The following RCAN2 variants were observed in gnomAD, a reference collection of about 807,000 sequenced individuals.
RCAN2 encodes the protein calcipressin-2.
A neutral mutation model predicts 23.6 loss-of-function variants in RCAN2; 9 were observed. That is an observed-to-expected ratio of 0.38 (90% CI 0.23 to 0.67). The LOEUF (loss-of-function observed/expected upper bound fraction) is 0.67, where lower values mean the gene tolerates loss of function less well. Ranked by LOEUF, RCAN2 falls within the 30% of genes least tolerant of loss-of-function variation. The pLI is 0.51. For missense variants in RCAN2, 273 were observed against 302.3 expected, an observed-to-expected ratio of 0.90 and a Z score of 0.72; for synonymous variants, 109 against 115.7, an observed-to-expected ratio of 0.94 and a Z score of 0.37.
intron 2 of RCAN2, among the ~76,000 whole-genome samples, chr6:46,411,595 A>C (rs954793430): frequency 6.6e-6 from 1 of 152,166 alleles, no homozygotes. Context: ...GTTTTGGGAG[A>C]CAGAAAAATG....
intron 2 of RCAN2, among the ~76,000 whole-genome samples, chr6:46,354,635 A>C (rs1764766805): frequency 6.6e-6 from 1 of 152,246 alleles, no homozygotes; most frequent in South Asian, 2.1e-4. Context: ...GGATGCCAGA[A>C]TCAGTCTCTT....
chr6:46,403,630 G>A (rs958470389), intron 2 of RCAN2, among the ~76,000 whole-genome samples: 3 of 151,588 alleles, frequency 2.0e-5, no homozygotes, highest in Admixed American at 1.3e-4. Context: ...TCTTGATCCT[G>A]GATCTTCAGG....
intron 4 of RCAN2, among the ~76,000 whole-genome samples, chr6:46,226,671 T>A (rs1765675768): frequency 6.6e-6 from 1 of 152,238 alleles, no homozygotes; most frequent in African/African-American, 2.4e-5. Flanking sequence ...CTTATCAGCT[T>A]AAGGGGATTT....
chr6:46,277,725 G>A (rs1480944505), intron 2 of RCAN2, among the ~76,000 whole-genome samples: 1 of 151,968 alleles, frequency 6.6e-6, no homozygotes, highest in Non-Finnish European at 1.5e-5. Flanking sequence ...ATGGGGCAGG[G>A]TGTGGGTGGT....
intron 2 of RCAN2, among the ~76,000 whole-genome samples, chr6:46,253,011 T>G (rs1442782737): frequency 6.6e-6 from 1 of 152,250 alleles, no homozygotes; most frequent in African/African-American, 2.4e-5. Flanking sequence ...TTTTTCACTT[T>G]GAATAAATTT....
chr6:46,451,333 G>A (rs1432083005), intron 2 of RCAN2, among the ~76,000 whole-genome samples: 5 of 152,122 alleles, frequency 3.3e-5, no homozygotes, highest in African/African-American at 9.7e-5. Context: ...CAACATCGGG[G>A]GCAGCCCCTA....
At chr6:46,393,288 G>A (rs1441710875) in intron 2 of RCAN2, among the ~76,000 whole-genome samples, 1 of 152,186 alleles carries the variant, frequency 6.6e-6, no homozygotes, top group East Asian at 1.9e-4. Context: ...ACTAACTATG[G>A]GCAAATTATG....
intron 2 of RCAN2, among the ~76,000 whole-genome samples, chr6:46,428,651 C>T (rs1416811064): frequency 6.6e-6 from 1 of 152,204 alleles, no homozygotes; most frequent in Non-Finnish European, 1.5e-5. Flanking sequence ...TAAATTTTCA[C>T]TATATCTCTG....
intron 2 of RCAN2, among the ~76,000 whole-genome samples, chr6:46,265,214 A>G (rs1767280808): frequency 6.6e-6 from 1 of 152,228 alleles, no homozygotes; most frequent in African/African-American, 2.4e-5. Flanking sequence ...TCACATAAGC[A>G]GCTCAGATTA....
At position 46,228,859 on chromosome 6, in the gene RCAN2, T is replaced by C. The variant is rs150503921; in HGVS notation, c.572-5558A>G. Among the ~76,000 whole-genome samples, 288 of 152,358 alleles carry C rather than the reference T, an allele frequency of 1.9e-3. 1 individual carries two copies. Among genetic ancestry groups the C allele is most frequent in the African/African-American group, 6.8e-3 (281 of 41,586 alleles). On this transcript the variant is annotated intron_variant, in intron 4 of 4. Coordinates refer to ENST00000371374, the MANE Select transcript of RCAN2 (RefSeq NM_001251974.2). ...TTCATTAGTTGATGCAGTTTCTTCCTAGCATCGATGGTCTTTACAGTTTGG... is the reference window on the plus strand; with the variant it reads ...TTCATTAGTTGATGCAGTTTCTTCCCAGCATCGATGGTCTTTACAGTTTGG...
chr6:46,284,585 A>C (rs1407887557), intron 2 of RCAN2, among the ~76,000 whole-genome samples: 1 of 152,208 alleles, frequency 6.6e-6, no homozygotes, highest in African/African-American at 2.4e-5. Flanking sequence ...CAAAGGAGAA[A>C]CTGACATTTG....
chr6:46,490,456 T>G (rs905549486), intron 1 of RCAN2, among the ~76,000 whole-genome samples: 50 of 152,174 alleles, frequency 3.3e-4, no homozygotes, highest in African/African-American at 1.1e-3. Flanking sequence ...AATCATTAAC[T>G]AAAAGGCAAA....
chr6:46,447,470 T>C (rs991259944), intron 2 of RCAN2, among the ~76,000 whole-genome samples: 1 of 151,834 alleles, frequency 6.6e-6, no homozygotes, highest in African/African-American at 2.4e-5. Context: ...AACATCAGAC[T>C]TAAACTGCAC....
chr6:46,480,219 G>C (rs1768818730), intron 1 of RCAN2, among the ~76,000 whole-genome samples: 1 of 152,138 alleles, frequency 6.6e-6, no homozygotes, highest in Admixed American at 6.6e-5. Flanking sequence ...CAACCTTCCT[G>C]ATCCTCAGTT....
At chr6:46,323,691 A>T (rs1004082698) in intron 2 of RCAN2, among the ~76,000 whole-genome samples, 1 of 151,972 alleles carries the variant, frequency 6.6e-6, no homozygotes. Flanking sequence ...CACCCCAACC[A>T]CTCACATACA....
At chr6:46,354,072 G>A (rs1283248989) in intron 2 of RCAN2, among the ~76,000 whole-genome samples, 2 of 152,094 alleles carry the variant, frequency 1.3e-5, no homozygotes, top group Admixed American at 1.3e-4. Flanking sequence ...CAGTTTTCCA[G>A]GAGTTAAGTT....
chr6:46,274,150 C>T (rs1366213205), intron 2 of RCAN2, among the ~76,000 whole-genome samples: 1 of 152,178 alleles, frequency 6.6e-6, no homozygotes, highest in African/African-American at 2.4e-5. Context: ...TTACTTAAGA[C>T]AAGAAGGTAT....
In RCAN2 at chr6:46,229,146, G is replaced by C. The variant is rs1765784711; in HGVS notation, c.572-5845C>G. Among the ~76,000 whole-genome samples the C allele has an allele frequency of 2.0e-5, 3 of 152,202 alleles. No individual in the cohort carries two copies. In the South Asian group the frequency reaches 6.2e-4, roughly 32 times the overall value. On this transcript the variant is annotated intron_variant, in intron 4 of 4. Coordinates refer to ENST00000371374, the MANE Select transcript of RCAN2 (RefSeq NM_001251974.2). ...GTTTCTGCTGAGAGATCAGCTGTTA[G>C]TCTGGTGGGCTTTCCTTTGTGGGTA...
intron 2 of RCAN2, among the ~76,000 whole-genome samples, chr6:46,412,063 G>A (rs760564120): frequency 1.3e-5 from 2 of 152,296 alleles, no homozygotes; most frequent in Middle Eastern, 3.4e-3. Context: ...AGATTACTAC[G>A]GAAAAGAGAC....
Sources: allele counts gnomAD v4.1 joint callset (sites outside exome capture counted in the v4.1 genomes callset), GRCh38; gene constraint gnomAD v4.1.1; transcripts MANE v1.5; gene names NCBI Gene and HGNC (gene_info 2026-07-23, HGNC 2026-07-21).